Variants in CYTH1 observed in about 807,000 individuals in gnomAD.
CYTH1 encodes cytohesin 1, also known as cytohesin-1.
A neutral mutation model predicts 61.8 loss-of-function variants in CYTH1; 18 were observed. That is an observed-to-expected ratio of 0.29 (90% CI 0.20 to 0.43). CYTH1 has a LOEUF of 0.43. Among genes scored for constraint, CYTH1 ranks in the 20% least tolerant of loss-of-function variants. CYTH1 has a pLI of 1.00. For synonymous variants in CYTH1, 174 were observed against 184.3 expected, an observed-to-expected ratio of 0.94 and a Z score of 0.45; for missense variants, 336 against 510.5, an observed-to-expected ratio of 0.66 and a Z score of 3.29.
intron 9 of CYTH1, 40 bp downstream of exon 9, chr17:78,698,229 A>T: frequency 2.0e-6 from 3 of 1,531,266 alleles, no homozygotes; most frequent in Non-Finnish European, 2.7e-6. Flanking sequence ...TTTCTTCCTA[A>T]GTCTCAGCTT....
intron 1 of CYTH1, among the ~76,000 whole-genome samples, chr17:78,747,118 A>G (rs1017326965): frequency 7.8e-6 from 1 of 128,294 alleles, no homozygotes; most frequent in Non-Finnish European, 1.6e-5. Flanking sequence ...ACAAGAGTTC[A>G]TTGGAGGACA....
At chr17:78,767,036 G>A (rs955742641) in intron 1 of CYTH1, among the ~76,000 whole-genome samples, 2 of 152,136 alleles carry the variant, frequency 1.3e-5, no homozygotes, top group African/African-American at 4.8e-5. Context: ...GAGAACTTAC[G>A]AAAAATGTTC....
rs2093090064 is a variant in CYTH1 at position 78,708,266 on chromosome 17, A to G, written c.106-5T>C. On this transcript the variant is annotated splice_polypyrimidine_tract_variant and splice_region_variant and intron_variant, in intron 2 of 13. Coordinates refer to ENST00000446868, the MANE Select transcript of CYTH1 (RefSeq NM_004762.6). ...TGCTATCTCATCCTTCAGCCTCTATAAAACAGACAGTCCAGAGTCAGCAGG... is the reference window on the plus strand; with the variant it reads ...TGCTATCTCATCCTTCAGCCTCTATGAAACAGACAGTCCAGAGTCAGCAGG... The G allele has an allele frequency of 6.2e-7, 1 of 1,611,766 alleles. No homozygotes were observed. The highest frequency in any genetic ancestry group is 8.5e-7 in the Non-Finnish European group (1 of 1,179,362).
chr17:78,770,811 T>C (rs192240289), intron 1 of CYTH1, among the ~76,000 whole-genome samples: 3 of 152,188 alleles, frequency 2.0e-5, no homozygotes, highest in Admixed American at 1.3e-4. Flanking sequence ...GCTTCTGAAA[T>C]AGAAGCCTTG....
chr17:78,705,456 T>C (rs1461819844), intron 3 of CYTH1, among the ~76,000 whole-genome samples: 1 of 152,228 alleles, frequency 6.6e-6, no homozygotes, highest in Non-Finnish European at 1.5e-5. Flanking sequence ...TTACTGCTAC[T>C]GGATCGCCTT....
chr17:78,701,184 T>C (rs2093005408), intron 6 of CYTH1, among the ~76,000 whole-genome samples: 2 of 152,222 alleles, frequency 1.3e-5, no homozygotes, highest in Admixed American at 6.5e-5. Flanking sequence ...GGTTTAATTG[T>C]GGATTGTTTC....
chr17:78,676,104 G>C lies in CYTH1; in HGVS notation c.1184C>G (p.Thr395Arg). The change falls in exon 14 of 14, where the codon ACG becomes AGG. Residue 395 changes from threonine (T) to arginine (R), a missense_variant. By Grantham distance (71) the Thr-to-Arg change is moderately conservative (BLOSUM62 -1). Transcript: ENST00000446868. ...LAARKKKVSSTKRH is the reference protein window; with the variant it reads ...LAARKKKVSSRKRH Reference sequence around the variant, plus strand: ...TTGGCTGCACGCTCAGTGTCGCTTCGTGGAGGAGACCTTCTTTTTCCGTGC... The same window carrying C: ...TTGGCTGCACGCTCAGTGTCGCTTCCTGGAGGAGACCTTCTTTTTCCGTGC... 1 of 1,609,792 alleles carries C rather than the reference G, an allele frequency of 6.2e-7. No homozygotes were observed. Among genetic ancestry groups the C allele is most frequent in the Non-Finnish European group, 8.5e-7 (1 of 1,178,322 alleles).
chr17:78,703,909 T>C (rs1356536877), intron 3 of CYTH1, among the ~76,000 whole-genome samples: 3 of 152,268 alleles, frequency 2.0e-5, no homozygotes, highest in Non-Finnish European at 4.4e-5. Flanking sequence ...TATATGTCTT[T>C]GTGTGGACAC....
At chr17:78,752,855 C>A (rs2093385883) in intron 1 of CYTH1, among the ~76,000 whole-genome samples, 1 of 152,134 alleles carries the variant, frequency 6.6e-6, no homozygotes, top group African/African-American at 2.4e-5. Flanking sequence ...TGTTAAAATG[C>A]CTAATTAAAT....
intron 13 of CYTH1, 142 bp downstream of exon 13, chr17:78,680,048 G>T (rs1333930831): frequency 7.7e-5 from 90 of 1,167,420 alleles, no homozygotes; most frequent in Non-Finnish European, 1.0e-4. Flanking sequence ...GAAGCCGTCA[G>T]CTGGGAACCA....
At chr17:78,687,212 C>T (rs1304393476) in intron 11 of CYTH1, among the ~76,000 whole-genome samples, 1 of 151,884 alleles carries the variant, frequency 6.6e-6, no homozygotes, top group African/African-American at 2.4e-5. Flanking sequence ...TAGATAGTCC[C>T]ATCTGGGGCT....
At chr17:78,755,505 A>AAAAAAG (rs2093397159) in intron 1 of CYTH1, among the ~76,000 whole-genome samples, 1 of 150,380 alleles carries the variant, frequency 6.6e-6, no homozygotes, top group South Asian at 2.1e-4. Context: ...AAAAAAAAAA[A>AAAAAAG]GGAAAGAAAG....
Position 78,778,363 on chromosome 17 carries a change from C to T in CYTH1, c.22+3839G>A, listed in dbSNP as rs145053508. 5.6e-3 allele frequency among the ~76,000 whole-genome samples: 829 copies of T among 147,718 alleles called. 38 individuals are homozygous for T. The East Asian group carries it at 0.11, about 20-fold the overall frequency. On this transcript the variant is annotated intron_variant, in intron 1 of 13. Coordinates refer to ENST00000446868, the MANE Select transcript of CYTH1 (RefSeq NM_004762.6). ...TTTAAAAAGTTTATTTAGGGCCGGG[C>T]GTGGTGGCTCACGCCTGTAATCCCA...
chr17:78,772,965 G>A (rs1363130035), intron 1 of CYTH1, among the ~76,000 whole-genome samples: 2 of 152,108 alleles, frequency 1.3e-5, no homozygotes, highest in African/African-American at 2.4e-5. Flanking sequence ...GAGTAGCTGG[G>A]ATCACAGGCA....
chr17:78,753,972 A>G (rs2093390690), intron 1 of CYTH1, among the ~76,000 whole-genome samples: 1 of 152,194 alleles, frequency 6.6e-6, no homozygotes, highest in African/African-American at 2.4e-5. Flanking sequence ...ACTGAGTGGT[A>G]ATGACATCAT....
intron 9 of CYTH1, among the ~76,000 whole-genome samples, 178 bp from the exon 10 acceptor site, chr17:78,696,187 G>T (rs2092936447): frequency 6.6e-6 from 1 of 152,212 alleles, no homozygotes; most frequent in Admixed American, 6.5e-5. Flanking sequence ...ACGGGCAAAT[G>T]ATCCCACTAC....
At chr17:78,687,235 T>C (rs767263150) in intron 11 of CYTH1, among the ~76,000 whole-genome samples, 17 of 151,964 alleles carry the variant, frequency 1.1e-4, no homozygotes, top group Admixed American at 3.9e-4. Flanking sequence ...TGGGAGACAG[T>C]GACACCCAAC....
At chr17:78,683,630 T>A (rs182118100) in intron 11 of CYTH1, among the ~76,000 whole-genome samples, 1 of 152,138 alleles carries the variant, frequency 6.6e-6, no homozygotes, top group African/African-American at 2.4e-5. Context: ...CACACTCCTG[T>A]CTGGGGAAAA....
In CYTH1 at chr17:78,675,051, T is replaced by G. The variant is rs1282146198; in HGVS notation, c.*1040A>C. ...TTTGAGGCAGAAAAAGCTGAAGCCC[T>G]ACGGGGATCGGGGAAGTCCTACTCC... On this transcript the variant is annotated 3_prime_UTR_variant, in exon 14 of 14. Transcript: ENST00000446868. 6.6e-6 allele frequency: 1 copy of G among 152,246 alleles called. No individual in the cohort carries two copies. Among genetic ancestry groups the G allele is most frequent in the Non-Finnish European group, 1.5e-5 (1 of 68,070 alleles). The allele number at this position is 152,246 out of a possible 1,614,324, so 9.4% of individuals were successfully genotyped here. A position where few individuals can be genotyped will look rare whatever the true frequency, so the allele number is the denominator to read the frequency against.
Sources: allele counts gnomAD v4.1 joint callset (sites outside exome capture counted in the v4.1 genomes callset), GRCh38; gene constraint gnomAD v4.1.1; transcripts MANE v1.5; gene names NCBI Gene and HGNC (gene_info 2026-07-23, HGNC 2026-07-21).